The following CADM2 variants were observed in gnomAD, a reference collection of about 807,000 sequenced individuals.
CADM2 encodes cell adhesion molecule 2, also known as immunoglobulin superfamily member 4D.
In CADM2, 12 loss-of-function variants were observed where a neutral mutation model predicts 49.8. The observed-to-expected ratio is 0.24, with a 90% CI of 0.15 to 0.39. CADM2 has a LOEUF of 0.39. Among genes scored for constraint, CADM2 ranks in the 10% least tolerant of loss-of-function variants. The pLI is 1.00. For missense variants in CADM2, 378 were observed against 492.3 expected (o/e 0.77, Z 2.20); for synonymous variants, 214 against 175.4 (o/e 1.22, Z -1.74).
intron 1 of CADM2, among the ~76,000 whole-genome samples, chr3:84,995,175 G>A (rs2033112536): frequency 6.6e-6 from 1 of 152,178 alleles, no homozygotes; most frequent in Non-Finnish European, 1.5e-5. Context: ...GAGGCAGCAT[G>A]GTATAAGGGT....
At chr3:85,541,279 CAT>C (rs142262917) in intron 1 of CADM2, among the ~76,000 whole-genome samples, 2 of 150,660 alleles carry the variant, frequency 1.3e-5, no homozygotes, top group Non-Finnish European at 3.0e-5. Context: ...ATATATGTCA[CAT>C]ATACACACAT....
chr3:85,916,500 C>G (rs1437520207), intron 6 of CADM2, among the ~76,000 whole-genome samples: 60 of 151,842 alleles, frequency 4.0e-4, no homozygotes, highest in Admixed American at 3.7e-3. Context: ...AGGACATGAA[C>G]TCATCATTTT....
chr3:85,041,019 T>C (rs1013774048), intron 1 of CADM2, among the ~76,000 whole-genome samples: 8 of 152,330 alleles, frequency 5.3e-5, no homozygotes, highest in African/African-American at 1.9e-4. Flanking sequence ...TAATTAAATA[T>C]CAGTTTGGAC....
intron 3 of CADM2, among the ~76,000 whole-genome samples, chr3:85,863,653 C>A (rs1477945828): frequency 6.6e-6 from 1 of 152,090 alleles, no homozygotes; most frequent in Non-Finnish European, 1.5e-5. Context: ...GTACCATGAG[C>A]CAAATACATC....
chr3:85,636,643 G>C (rs2064496791), intron 1 of CADM2, among the ~76,000 whole-genome samples: 1 of 152,078 alleles, frequency 6.6e-6, no homozygotes, highest in Non-Finnish European at 1.5e-5. Flanking sequence ...ATCTCACCCA[G>C]AGCAACATCC....
chr3:85,446,762 C>T (rs755605751), intron 1 of CADM2, among the ~76,000 whole-genome samples: 1 of 149,744 alleles, frequency 6.7e-6, no homozygotes, highest in African/African-American at 2.4e-5. Flanking sequence ...GCCACCACAC[C>T]GAGCTAATTT....
chr3:84,965,896 A>G (rs1224556407), intron 1 of CADM2, among the ~76,000 whole-genome samples: 1 of 152,186 alleles, frequency 6.6e-6, no homozygotes, highest in African/African-American at 2.4e-5. Context: ...AATGTTTCCT[A>G]TCTGCACAAT....
chr3:85,720,725 A>G (rs957521972), intron 1 of CADM2, among the ~76,000 whole-genome samples: 1 of 152,182 alleles, frequency 6.6e-6, no homozygotes, highest in Admixed American at 6.5e-5. Flanking sequence ...AATAAGTTTC[A>G]TGTGATTAGT....
intron 8 of CADM2, among the ~76,000 whole-genome samples, chr3:86,038,794 C>T (rs1735480452): frequency 6.6e-6 from 1 of 152,130 alleles, no homozygotes; most frequent in South Asian, 2.1e-4. Flanking sequence ...TTTTATTTTA[C>T]ATGTAAGGGA....
In CADM2 at chr3:86,013,422, C is replaced by G. The variant is rs1731803111; in HGVS notation, c.970+51775C>G. On this transcript the variant is annotated intron_variant, in intron 8 of 9. Coordinates refer to ENST00000383699, the MANE Select transcript of CADM2 (RefSeq NM_001167675.2). Reference sequence around the variant, plus strand: ...GGAGGCCGAAGAAATCCCAGAAGGTCTCTTTACCCTAGATAACTTTCAAGC... The same window carrying G: ...GGAGGCCGAAGAAATCCCAGAAGGTGTCTTTACCCTAGATAACTTTCAAGC... 1.9e-5 allele frequency: 29 copies of G among 1,561,574 alleles called. No individual in the cohort carries two copies. In the South Asian group the frequency reaches 3.2e-4, roughly 18 times the overall value.
At chr3:85,944,158 A>T (rs1722330785) in intron 7 of CADM2, among the ~76,000 whole-genome samples, 1 of 152,086 alleles carries the variant, frequency 6.6e-6, no homozygotes, top group Admixed American at 6.6e-5. Context: ...ACCAACAAAG[A>T]TCAAAAGAGA....
At chr3:85,746,507 G>T (rs1007170875) in intron 2 of CADM2, among the ~76,000 whole-genome samples, 1 of 152,084 alleles carries the variant, frequency 6.6e-6, no homozygotes, top group Non-Finnish European at 1.5e-5. Flanking sequence ...ATGGTATTTT[G>T]TGCCATCATT....
chr3:85,016,649 C>T (rs1255034722), intron 1 of CADM2, among the ~76,000 whole-genome samples: 6 of 151,890 alleles, frequency 4.0e-5, no homozygotes, highest in Admixed American at 3.3e-4. Flanking sequence ...AAAAATTAGC[C>T]GGGCATGAAG....
At chr3:85,078,983 A>G (rs975546109) in intron 1 of CADM2, among the ~76,000 whole-genome samples, 4 of 151,834 alleles carry the variant, frequency 2.6e-5, no homozygotes, top group Admixed American at 6.6e-5. Context: ...ATTATAAGTG[A>G]TCTCATTTTA....
chr3:85,995,963 G>A lies in CADM2; in HGVS notation c.970+34316G>A, dbSNP rs1037405567. Among the ~76,000 whole-genome samples the A allele has an allele frequency of 5.4e-4, 82 of 151,690 alleles. 1 individual carries two copies. Among genetic ancestry groups the A allele is most frequent in the South Asian group, 6.3e-4 (3 of 4,800 alleles). Reference sequence around the variant, plus strand: ...AAATTAGCCAGGCGTGGTGGCGGTCGCCTGTAGTCCCAGCTACTCGGGAGG... The same window carrying A: ...AAATTAGCCAGGCGTGGTGGCGGTCACCTGTAGTCCCAGCTACTCGGGAGG... On this transcript the variant is annotated intron_variant, in intron 8 of 9. Coordinates refer to ENST00000383699, the MANE Select transcript of CADM2 (RefSeq NM_001167675.2).
intron 3 of CADM2, among the ~76,000 whole-genome samples, chr3:85,881,700 C>G (rs945733186): frequency 2.6e-5 from 4 of 152,138 alleles, no homozygotes; most frequent in Non-Finnish European, 5.9e-5. Flanking sequence ...GGAGATTCCT[C>G]AGGCTAAGCT....
At position 85,196,457 on chromosome 3, in the gene CADM2, A is replaced by G. The variant is rs1264810171; in HGVS notation, c.61+236789A>G. Among the ~76,000 whole-genome samples the G allele has an allele frequency of 1.3e-5, 2 of 151,986 alleles. 1 individual carries two copies. Among genetic ancestry groups the G allele is most frequent in the Non-Finnish European group, 2.9e-5 (2 of 67,920 alleles). On this transcript the variant is annotated intron_variant, in intron 1 of 9. Transcript: ENST00000383699. ...TGCCTACCTTGTTATAATTTATAAGATGATACTATTTTAAAATTATGACTC... is the reference window on the plus strand; with the variant it reads ...TGCCTACCTTGTTATAATTTATAAGGTGATACTATTTTAAAATTATGACTC...
chr3:85,948,911 A>T (rs767954665), intron 7 of CADM2, among the ~76,000 whole-genome samples: 1 of 151,466 alleles, frequency 6.6e-6, no homozygotes, highest in Non-Finnish European at 1.5e-5. Flanking sequence ...AAAGTAAAAG[A>T]TAAGACTTTA....
chr3:85,040,802 T>C (rs2035403619), intron 1 of CADM2, among the ~76,000 whole-genome samples: 1 of 152,200 alleles, frequency 6.6e-6, no homozygotes, highest in African/African-American at 2.4e-5. Context: ...TGAGATGGTA[T>C]ACTTTAGACC....
Sources: gnomAD v4.1 joint callset for allele counts (sites outside exome capture counted in the v4.1 genomes callset) on GRCh38, gnomAD v4.1.1 for gene constraint, MANE v1.5 for transcripts, NCBI Gene and HGNC (gene_info 2026-07-23, HGNC 2026-07-21) for gene names.